CCDC57: variants seen among roughly 807,000 people sequenced by gnomAD.
CCDC57 encodes the protein coiled-coil domain-containing protein 57.
Under a neutral mutation model 118.9 loss-of-function variants are expected in CCDC57, and 118 were observed. The ratio of observed to expected loss-of-function variants is 0.99; its 90% CI spans 0.86 to 1.16. CCDC57 has a LOEUF of 1.16. Ranked by LOEUF, CCDC57 falls within the 50% of genes most tolerant of loss-of-function variation. CCDC57 has a pLI of 0.00. For synonymous variants in CCDC57, 527 were observed against 532.9 expected, an observed-to-expected ratio of 0.99 and a Z score of 0.15; for missense variants, 1,300 against 1,320.7, an observed-to-expected ratio of 0.98 and a Z score of 0.24.
At chr17:82,176,316 T>TCGTGGC (rs2045489786) in intron 11 of CCDC57, among the ~76,000 whole-genome samples, 2 of 152,312 alleles carry the variant, frequency 1.3e-5, no homozygotes, top group African/African-American at 2.4e-5. Flanking sequence ...ATAAAACCCC[T>TCGTGGC]TCTAGCCTCT....
rs552355100 is a variant in CCDC57 at position 82,175,079 on chromosome 17, C to T, written c.1507-2219G>A. ...CCATTGGTAAGAAAATCGCTAGGTG[C>T]GTTATGGTGTGGCCGCTTGATAAAA... is the stretch of plus-strand genomic sequence containing the variant. On this transcript the variant is annotated intron_variant, in intron 11 of 19. Coordinates refer to ENST00000665763, the Ensembl canonical transcript of CCDC57. 1.3e-3 allele frequency among the ~76,000 whole-genome samples: 196 copies of T among 152,328 alleles called. 1 individual carries two copies. The highest frequency in any genetic ancestry group is 2.2e-3 in the Non-Finnish European group (151 of 68,038).
intron 16 of CCDC57, 94 bp from the exon 16 acceptor site, chr17:82,134,288 C>T: frequency 8.2e-7 from 1 of 1,217,072 alleles, no homozygotes; most frequent in Middle Eastern, 2.1e-4. Context: ...ACAGCATGTT[C>T]CTTTTCAAAA....
chr17:82,101,571 G>GCCTCCA, exon 20 of CCDC57: 1 of 934,336 alleles, frequency 1.1e-6, no homozygotes, highest in South Asian at 1.7e-5. Flanking sequence ...GCAGCTCCCT[G>GCCTCCA]CCTCCACCCT....
At position 82,135,428 on chromosome 17, in the gene CCDC57, A is replaced by T. The variant is rs2039011324; in HGVS notation, c.2456-1234T>A. On this transcript the variant is annotated intron_variant, in intron 16 of 19. Transcript: ENST00000665763. Reference sequence around the variant, plus strand: ...AACAGAAAAATTTTAAAGCTTTTTTATCAATTAACTTGAAGTTAGCCATGA... The same window carrying T: ...AACAGAAAAATTTTAAAGCTTTTTTTTCAATTAACTTGAAGTTAGCCATGA... The T allele has an allele frequency of 2.0e-5, 3 of 150,556 alleles. No individual in the cohort carries two copies. The South Asian group carries it at 6.3e-4, about 32-fold the overall frequency. The allele number at this position is 150,556 out of a possible 1,614,324, so 9.3% of individuals were successfully genotyped here.
intron 2 of CCDC57, among the ~76,000 whole-genome samples, chr17:82,205,116 G>A (rs1377169347): frequency 2.0e-5 from 3 of 151,906 alleles, no homozygotes; most frequent in Non-Finnish European, 4.4e-5. Flanking sequence ...GCACACACCT[G>A]TGCACACACA....
chr17:82,107,682 G>C (rs1006060154), intron 19 of CCDC57: 3 of 450,560 alleles, frequency 6.7e-6, no homozygotes, highest in Non-Finnish European at 1.4e-5. Flanking sequence ...CTGTCCAACA[G>C]CTGCACTGCC....
intron 16 of CCDC57, among the ~76,000 whole-genome samples, chr17:82,141,271 C>T (rs2039973637): frequency 6.6e-6 from 1 of 151,198 alleles, no homozygotes; most frequent in Non-Finnish European, 1.5e-5. Flanking sequence ...GCAACCTCTG[C>T]CACCCTGGTT....
At chr17:82,188,133 T>A in intron 8 of CCDC57, 86 bp downstream of exon 7, 1 of 1,186,998 alleles carries the variant, frequency 8.4e-7, no homozygotes, top group Non-Finnish European at 1.1e-6. Context: ...CCCCCTTTCC[T>A]GTGGTCTGGC....
At chr17:82,116,170 G>C (rs2035890822) in intron 19 of CCDC57, among the ~76,000 whole-genome samples, 1 of 119,016 alleles carries the variant, frequency 8.4e-6, no homozygotes, top group Non-Finnish European at 1.8e-5. Context: ...AATTTCAAAA[G>C]AACAAATTTT....
intron 6 of CCDC57, 25 bp from the exon 6 acceptor site, chr17:82,193,855 A>C (rs1402079165): frequency 6.3e-7 from 1 of 1,576,260 alleles, no homozygotes; most frequent in African/African-American, 1.3e-5. Context: ...ATATTTATGG[A>C]AGGAGCAAGT....
chr17:82,127,709 TG>T lies in CCDC57; in HGVS notation c.2881del (p.Gln961ArgfsTer30). ...TCTCCTACCTGGAGTTGAGTCACCCTGGGAGGTGACACCAGAAGGGCTGGAT... is the reference window on the plus strand; with the variant it reads ...TCTCCTACCTGGAGTTGAGTCACCCTGGAGGTGACACCAGAAGGGCTGGAT... On this transcript the variant is annotated frameshift_variant, in exon 19 of 20. Coordinates refer to ENST00000665763, the Ensembl canonical transcript of CCDC57. LOFTEE classifies it low-confidence loss of function (END_TRUNC). 2 of 1,607,372 alleles carry T rather than the reference TG, an allele frequency of 1.2e-6. No individual in the cohort carries two copies. The highest frequency in any genetic ancestry group is 1.7e-6 in the Non-Finnish European group (2 of 1,176,588).
chr17:82,150,391 A>G, intron 16 of CCDC57, among the ~76,000 whole-genome samples: 1 of 147,586 alleles, frequency 6.8e-6, no homozygotes, highest in African/African-American at 2.5e-5. Context: ...AACCAGGCGC[A>G]CACCCAGAAC....
intron 2 of CCDC57, among the ~76,000 whole-genome samples, chr17:82,206,816 T>C (rs1389859658): frequency 2.0e-5 from 3 of 152,072 alleles, no homozygotes; most frequent in East Asian, 1.9e-4. Context: ...TGAACCACCA[T>C]TGCAAAATTA....
intron 7 of CCDC57, among the ~76,000 whole-genome samples, chr17:82,191,826 C>T (rs2047699449): frequency 6.6e-6 from 1 of 152,000 alleles, no homozygotes; most frequent in African/African-American, 2.4e-5. Flanking sequence ...GCTGTCACAC[C>T]TGGCTAATTT....
At chr17:82,137,860 C>T (rs549542505) in intron 16 of CCDC57, among the ~76,000 whole-genome samples, 16 of 150,864 alleles carry the variant, frequency 1.1e-4, no homozygotes, top group Admixed American at 6.6e-4. Flanking sequence ...TTTTAGTAGA[C>T]GCGGGGTTTC....
At chr17:82,137,461 G>C (rs1200559120) in intron 16 of CCDC57, among the ~76,000 whole-genome samples, 2 of 152,146 alleles carry the variant, frequency 1.3e-5, no homozygotes, top group Non-Finnish European at 2.9e-5. Flanking sequence ...TGTCTTGATG[G>C]TTTCAGAAAA....
Position 82,178,478 on chromosome 17 carries a change from GC to G in CCDC57, c.1501del (p.Ala501HisfsTer12). The G allele has an allele frequency of 6.2e-7, 1 of 1,607,528 alleles. No homozygotes were observed. Among genetic ancestry groups the G allele is most frequent in the South Asian group, 1.1e-5 (1 of 90,304 alleles). ...GAGCCGACTGGGTACTCTCACCTGT[GC>G]CCCTGGTCTGGGGAGCCCATGCATC... On this transcript the variant is annotated frameshift_variant, in exon 11 of 20. Transcript: ENST00000665763. LOFTEE classifies it high-confidence loss of function.
intron 13 of CCDC57, among the ~76,000 whole-genome samples, chr17:82,170,575 GC>G (rs2044563703): frequency 6.6e-6 from 1 of 150,972 alleles, no homozygotes; most frequent in Non-Finnish European, 1.5e-5. Flanking sequence ...AGTCACGTGA[GC>G]ACGCAGGGGG....
In CCDC57 at chr17:82,172,108, C is replaced by T. The variant is rs1440923926; in HGVS notation, c.1730-255G>A. On this transcript the variant is annotated intron_variant, in intron 12 of 19. Coordinates refer to ENST00000665763, the Ensembl canonical transcript of CCDC57. This position sits in a 1 kb window ranked among gnomAD's most constrained non-coding sequence, Gnocchi z 5.2. ...GTCTCCATGCTCTCCAGGAAGGGCT[C>T]AGTGATCAGGAGCAAATGCTCCACC... Among the ~76,000 whole-genome samples, 1 of 152,220 alleles carries T rather than the reference C, an allele frequency of 6.6e-6. No homozygotes were observed. Among genetic ancestry groups the T allele is most frequent in the Non-Finnish European group, 1.5e-5 (1 of 68,042 alleles).
Sources: gnomAD v4.1 joint callset for allele counts (sites outside exome capture counted in the v4.1 genomes callset) on GRCh38, gnomAD v4.1.1 for gene constraint, Gnocchi (gnomAD v3.1) non-coding constraint, MANE v1.5 for transcripts, NCBI Gene and HGNC (gene_info 2026-07-23, HGNC 2026-07-21) for gene names.